NR5A2: variants seen among roughly 807,000 people sequenced by gnomAD.
NR5A2 encodes the protein nuclear receptor subfamily 5 group A member 2, also known as CYP7A promoter-binding factor.
NR5A2 carries 26 observed loss-of-function variants against 62.7 expected under a neutral mutation model. That is an observed-to-expected ratio of 0.41 (90% CI 0.30 to 0.58). The LOEUF is 0.58. Among genes scored for constraint, NR5A2 ranks in the 20% least tolerant of loss-of-function variants. NR5A2 has a pLI of 0.22. For missense variants in NR5A2, 541 were observed against 669.1 expected, an observed-to-expected ratio of 0.81 and a Z score of 2.11; for synonymous variants, 246 against 241.7, an observed-to-expected ratio of 1.02 and a Z score of -0.16.
At chr1:200,053,586 C>T (rs1662766956) in intron 5 of NR5A2, among the ~76,000 whole-genome samples, 1 of 151,576 alleles carries the variant, frequency 6.6e-6, no homozygotes, top group Non-Finnish European at 1.5e-5. Context: ...CACACACACA[C>T]ACACACACAC....
At chr1:200,037,346 A>T (rs559317011) in intron 1 of NR5A2, among the ~76,000 whole-genome samples, 22 of 152,094 alleles carry the variant, frequency 1.4e-4, no homozygotes, top group Non-Finnish European at 3.1e-4. Flanking sequence ...TCACCACCAC[A>T]CACTAGGGGT....
intron 7 of NR5A2, among the ~76,000 whole-genome samples, chr1:200,121,304 T>C (rs986608957): frequency 6.6e-6 from 1 of 152,202 alleles, no homozygotes; most frequent in African/African-American, 2.4e-5. Context: ...TAGCCATCTT[T>C]CTCCCATTGG....
At chr1:200,029,281 C>A (rs1661462987) in intron 1 of NR5A2, 1 of 178,034 alleles carries the variant, frequency 5.6e-6, no homozygotes, top group Non-Finnish European at 1.1e-5. Context: ...TCCTGCTGCG[C>A]GCAGCCCCAG....
chr1:200,052,921 TG>T lies in NR5A2; in HGVS notation c.1110+4104del, dbSNP rs573103384. On this transcript the variant is annotated intron_variant, in intron 5 of 7. Coordinates refer to ENST00000367362, the MANE Select transcript of NR5A2 (RefSeq NM_205860.3). The stretch of plus-strand genomic sequence containing the variant: ...TCCCAAAGTTCTGGGATTATAGGCA[TG>T]AGCCACCGCACCCGGCCTACCTCTT... 2.6e-4 allele frequency among the ~76,000 whole-genome samples: 40 copies of T among 152,336 alleles called. No individual in the cohort carries two copies. In the South Asian group the frequency reaches 4.8e-3, roughly 18 times the overall value.
At chr1:200,107,981 G>A (rs1038573604) in intron 5 of NR5A2, among the ~76,000 whole-genome samples, 1 of 152,012 alleles carries the variant, frequency 6.6e-6, no homozygotes, top group African/African-American at 2.4e-5. Flanking sequence ...GCAAGGTCTT[G>A]TTACCGTAAC....
intron 1 of NR5A2, among the ~76,000 whole-genome samples, chr1:200,036,740 G>A (rs1661796684): frequency 6.6e-6 from 1 of 152,122 alleles, no homozygotes; most frequent in African/African-American, 2.4e-5. Flanking sequence ...CTGGAGCGCC[G>A]AGGGCTTAGG....
At chr1:200,088,029 G>A (rs1419086354) in intron 5 of NR5A2, among the ~76,000 whole-genome samples, 1 of 152,122 alleles carries the variant, frequency 6.6e-6, no homozygotes, top group Non-Finnish European at 1.5e-5. Context: ...GGGATTACAC[G>A]TATGAACCAC....
rs375266594 is a variant in NR5A2, at chr1:200,117,941, C to T, written c.1231-2867C>T. On this transcript the variant is annotated intron_variant, in intron 6 of 7. Coordinates refer to ENST00000367362, the MANE Select transcript of NR5A2 (RefSeq NM_205860.3). ...GTTGGCCAGGCTGGTCTCGAACTCC[C>T]GACCTCAGGTGATCCACCCGTCTCG... 5.3e-5 allele frequency among the ~76,000 whole-genome samples: 8 copies of T among 150,894 alleles called. 1 individual carries two copies. The highest frequency in any genetic ancestry group is 2.1e-4 in the South Asian group (1 of 4,754).
At chr1:200,070,127 G>A (rs746267144) in intron 5 of NR5A2, among the ~76,000 whole-genome samples, 3 of 152,098 alleles carry the variant, frequency 2.0e-5, no homozygotes, top group African/African-American at 4.8e-5. Context: ...CAGGGTAGTA[G>A]TTTTGTATAC....
At position 200,175,388 on chromosome 1, in the gene NR5A2, G is replaced by A. The variant is rs1454707131; in HGVS notation, c.*1178G>A. 6.6e-6 allele frequency: 1 copy of A among 152,664 alleles called. No individual in the cohort carries two copies. The highest frequency in any genetic ancestry group is 1.5e-5 in the Non-Finnish European group (1 of 68,054). The allele number at this position is 152,664 out of a possible 1,614,324, so 9.5% of individuals were successfully genotyped here. On this transcript the variant is annotated 3_prime_UTR_variant, in exon 8 of 8. Coordinates refer to ENST00000367362, the MANE Select transcript of NR5A2 (RefSeq NM_205860.3). Reference sequence around the variant, plus strand: ...AGTAATTCAAATCTTCCCCAAAGGGGAAAGGAAGAGAGTGATACTGACCTT... The same window carrying A: ...AGTAATTCAAATCTTCCCCAAAGGGAAAAGGAAGAGAGTGATACTGACCTT...
chr1:200,045,049 C>T (rs1662294358), intron 3 of NR5A2, among the ~76,000 whole-genome samples: 1 of 151,568 alleles, frequency 6.6e-6, no homozygotes, highest in Non-Finnish European at 1.5e-5. Flanking sequence ...AATGGTTTAT[C>T]ACTGAAATTA....
At chr1:200,141,321 T>G (rs1667434844) in intron 7 of NR5A2, among the ~76,000 whole-genome samples, 1 of 151,628 alleles carries the variant, frequency 6.6e-6, no homozygotes, top group South Asian at 2.1e-4. Flanking sequence ...CTCTTCTCCA[T>G]CTCTGTAATT....
At chr1:200,028,375 A>G (rs1661424115) in intron 1 of NR5A2, among the ~76,000 whole-genome samples, 2 of 151,440 alleles carry the variant, frequency 1.3e-5, no homozygotes, top group Admixed American at 6.6e-5. Flanking sequence ...TTATACCGTA[A>G]AAAATTTTCA....
intron 1 of NR5A2, among the ~76,000 whole-genome samples, chr1:200,036,914 T>C (rs1262106064): frequency 6.6e-6 from 1 of 152,228 alleles, no homozygotes. Flanking sequence ...TACAAGCTCC[T>C]GCGTTAATTT....
chr1:200,119,340 A>C lies in NR5A2; in HGVS notation c.1231-1468A>C, dbSNP rs1666378337. ...CAATTATGGTAATGAAATGTCAATA[A>C]ATATAAAAATTTAATACAGTCTGCT... On this transcript the variant is annotated intron_variant, in intron 6 of 7. Coordinates refer to ENST00000367362, the MANE Select transcript of NR5A2 (RefSeq NM_205860.3). 4.6e-5 allele frequency among the ~76,000 whole-genome samples: 7 copies of C among 152,344 alleles called. No homozygotes were observed. The South Asian group carries it at 1.5e-3, about 32-fold the overall frequency.
intron 1 of NR5A2, among the ~76,000 whole-genome samples, chr1:200,030,319 AG>A (rs1661504632): frequency 6.6e-6 from 1 of 152,200 alleles, no homozygotes. Context: ...GTTTTTAACT[AG>A]GGGCTACATC....
At chr1:200,089,246 GCACTGT>G (rs1664696610) in intron 5 of NR5A2, among the ~76,000 whole-genome samples, 1 of 152,082 alleles carries the variant, frequency 6.6e-6, no homozygotes, top group African/African-American at 2.4e-5. Flanking sequence ...ACAGAGTCTT[GCACTGT>G]CACCCAGGCT....
chr1:200,097,775 T>C (rs967962059), intron 5 of NR5A2, among the ~76,000 whole-genome samples: 3 of 152,104 alleles, frequency 2.0e-5, no homozygotes, highest in African/African-American at 4.8e-5. Flanking sequence ...GGTGTGTATG[T>C]TGGGTGGGAA....
chr1:200,075,907 G>A (rs201178338), intron 5 of NR5A2, among the ~76,000 whole-genome samples: 1 of 76,038 alleles, frequency 1.3e-5, no homozygotes, highest in Admixed American at 1.3e-4. Flanking sequence ...TTTTTTTTTT[G>A]TTAAGAAACA....
Sources: gnomAD v4.1 joint callset for allele counts (sites outside exome capture counted in the v4.1 genomes callset) on GRCh38, gnomAD v4.1.1 for gene constraint, MANE v1.5 for transcripts, NCBI Gene and HGNC (gene_info 2026-07-23, HGNC 2026-07-21) for gene names.